The following BTG4 variants were observed in gnomAD, a reference collection of about 807,000 sequenced individuals.
The protein encoded by BTG4 is BTG anti-proliferation factor 4.
BTG4 carries 10 observed loss-of-function variants against 19.3 expected under a neutral mutation model. The observed-to-expected ratio is 0.52, with a 90% confidence interval of 0.32 to 0.88. The LOEUF is 0.88. Among genes scored for constraint, BTG4 ranks in the 40% least tolerant of loss-of-function variants. The pLI is 0.04. For missense variants in BTG4, 238 were observed against 281.9 expected (o/e 0.84, Z 1.11); for synonymous variants, 91 against 95.7 (o/e 0.95, Z 0.29).
chr11:111,435,368 G>A, the BTG4 span, among the ~76,000 whole-genome samples: 287 of 152,280 alleles, frequency 1.9e-3, 3 homozygotes, highest in African/African-American at 6.5e-3. Flanking sequence ...CGCCACCACC[G>A]CCACGGGTGG....
intron 5 of BTG4, among the ~76,000 whole-genome samples, chr11:111,474,185 A>C (rs1398308059): frequency 6.6e-6 from 1 of 152,130 alleles, no homozygotes; most frequent in Non-Finnish European, 1.5e-5. Flanking sequence ...CTGGGATGAA[A>C]ACTTTTAAAC....
intron 5 of BTG4, among the ~76,000 whole-genome samples, chr11:111,484,167 CA>C (rs1864911153): frequency 6.6e-6 from 1 of 151,814 alleles, no homozygotes. Flanking sequence ...CATAGAAAAA[CA>C]AAAGCTGAGG....
At chr11:111,385,105 TAAAAC>T in the BTG4 span, 6 of 152,060 alleles carry the variant, frequency 3.9e-5, no homozygotes, top group East Asian at 3.8e-4. Flanking sequence ...TAACAAAAAA[TAAAAC>T]AAAAGTTAAA....
At chr11:111,436,803 C>T in the BTG4 span, among the ~76,000 whole-genome samples, 25 of 152,162 alleles carry the variant, frequency 1.6e-4, no homozygotes, top group Non-Finnish European at 5.9e-5. Context: ...CCAGTCCACA[C>T]ACCCAGGCAA....
chr11:111,490,117 CAA>C (rs149540718), downstream of BTG4, among the ~76,000 whole-genome samples: 2 of 135,458 alleles, frequency 1.5e-5, no homozygotes, highest in African/African-American at 2.8e-5. Context: ...ACTAAAAATA[CAA>C]AAAAAAAAAA....
chr11:111,451,081 C>G, the BTG4 span: 2 of 184,336 alleles, frequency 1.1e-5, no homozygotes, highest in African/African-American at 4.6e-5. Flanking sequence ...GCCTCCAAGT[C>G]AATGATACCC....
intron 5 of BTG4, among the ~76,000 whole-genome samples, chr11:111,487,162 T>C (rs915054856): frequency 6.6e-6 from 1 of 152,204 alleles, no homozygotes; most frequent in Non-Finnish European, 1.5e-5. Flanking sequence ...CTTTCCTTTT[T>C]ATGGCTGTGT....
At chr11:111,391,216 G>A in the BTG4 span, among the ~76,000 whole-genome samples, 2 of 152,118 alleles carry the variant, frequency 1.3e-5, no homozygotes. Flanking sequence ...CAAGCCCCAG[G>A]GACCCTATTC....
At chr11:111,422,532 G>A in the BTG4 span, among the ~76,000 whole-genome samples, 5 of 152,188 alleles carry the variant, frequency 3.3e-5, no homozygotes, top group African/African-American at 1.2e-4. Context: ...GCCACCAAGC[G>A]CAGGCTGGAA....
At chr11:111,507,198 G>A (rs1361776104) in intron 1 of BTG4, among the ~76,000 whole-genome samples, 5 of 151,994 alleles carry the variant, frequency 3.3e-5, no homozygotes, top group African/African-American at 9.7e-5. Context: ...TTAATTAGCA[G>A]GATAATCAGT....
At chr11:111,466,954 C>G (rs1863756411), downstream of BTG4, 1 of 152,620 alleles carries the variant, frequency 6.6e-6, no homozygotes, top group Admixed American at 6.5e-5. Context: ...TCAGGGTAGC[C>G]AGGAAGAAGC....
At chr11:111,407,842 C>T in the BTG4 span, among the ~76,000 whole-genome samples, 1,907 of 152,288 alleles carry the variant, frequency 0.013, 30 homozygotes, top group African/African-American at 0.042. Flanking sequence ...ATGGTGGAGC[C>T]CATTTGCACC....
intron 1 of BTG4, among the ~76,000 whole-genome samples, chr11:111,508,637 A>G (rs774998295): frequency 6.6e-6 from 1 of 151,762 alleles, no homozygotes; most frequent in Non-Finnish European, 1.5e-5. Context: ...TCTGTGTCCT[A>G]ACCTTTGATA....
At chr11:111,385,155 A>T in the BTG4 span, 6 of 152,144 alleles carry the variant, frequency 3.9e-5, no homozygotes, top group Admixed American at 6.5e-5. Context: ...TTCATAAATG[A>T]TGTGTTAAAC....
At chr11:111,492,587 T>A (rs1475000819), downstream of BTG4, among the ~76,000 whole-genome samples, 12 of 152,362 alleles carry the variant, frequency 7.9e-5, no homozygotes, top group Non-Finnish European at 1.6e-4. Context: ...TCTATAAATC[T>A]GAACACTGCT....
chr11:111,424,666 A>G, the BTG4 span, among the ~76,000 whole-genome samples: 1 of 152,234 alleles, frequency 6.6e-6, no homozygotes, highest in Non-Finnish European at 1.5e-5. Context: ...TTATTAATTC[A>G]ATAAAATTAG....
At chr11:111,448,885 AC>A in the BTG4 span, among the ~76,000 whole-genome samples, 95,414 of 151,350 alleles carry the variant, frequency 0.63, 30,828 homozygotes, top group African/African-American at 0.75. Flanking sequence ...ACATAGTTAT[AC>A]CCAAAAAAAA....
chr11:111,391,093 T>C, the BTG4 span, among the ~76,000 whole-genome samples: 6 of 152,356 alleles, frequency 3.9e-5, no homozygotes, highest in South Asian at 1.0e-3. Flanking sequence ...CATTGATTAA[T>C]TGATAACAGT....
At chr11:111,476,199 G>C (rs1223140790) in intron 5 of BTG4, among the ~76,000 whole-genome samples, 1 of 149,410 alleles carries the variant, frequency 6.7e-6, no homozygotes, top group Non-Finnish European at 1.5e-5. Flanking sequence ...GCAATGCAAG[G>C]AAGATAGACG....
Sources: gnomAD v4.1 joint callset for allele counts (sites outside exome capture counted in the v4.1 genomes callset) on GRCh38, gnomAD v4.1.1 for gene constraint, MANE v1.5 for transcripts, NCBI Gene and HGNC (gene_info 2026-07-23, HGNC 2026-07-21) for gene names.